Variants in DACH1 observed in about 807,000 individuals in gnomAD.
The protein encoded by DACH1 is dachshund family transcription factor 1.
A neutral mutation model predicts 54.2 loss-of-function variants in DACH1; 12 were observed. The observed-to-expected ratio is 0.22, with a 90% confidence interval of 0.14 to 0.36. The LOEUF is 0.36. Among genes scored for constraint, DACH1 ranks in the 10% least tolerant of loss-of-function variants. The pLI is 1.00. For missense variants in DACH1, 805 were observed against 929.8 expected, an observed-to-expected ratio of 0.87 and a Z score of 1.75; for synonymous variants, 386 against 366.2, an observed-to-expected ratio of 1.05 and a Z score of -0.62.
chr13:71,575,687 T>C (rs570587899), intron 3 of DACH1, among the ~76,000 whole-genome samples: 9 of 152,030 alleles, frequency 5.9e-5, no homozygotes, highest in African/African-American at 1.9e-4. Context: ...TGTGCACAGG[T>C]AAATATCAAG....
chr13:71,524,854 G>A (rs1297423046), intron 6 of DACH1, among the ~76,000 whole-genome samples: 3 of 152,006 alleles, frequency 2.0e-5, no homozygotes, highest in Non-Finnish European at 4.4e-5. Context: ...TTTGGAACAG[G>A]CGCGAAGGTG....
chr13:71,438,456 C>T lies in DACH1; in HGVS notation c.*2199G>A, dbSNP rs1873705977. 6.6e-6 allele frequency: 1 copy of T among 152,396 alleles called. No homozygotes were observed. The highest frequency in any genetic ancestry group is 2.4e-5 in the African/African-American group (1 of 41,426). The allele number at this position is 152,396 out of a possible 1,614,324, so 9.4% of individuals were successfully genotyped here. A position where few individuals can be genotyped will look rare whatever the true frequency, so the allele number is the denominator to read the frequency against. Reference sequence around the variant, plus strand: ...ATTTCATGAATTGTAATATTTACAACATGTTAGTAAGAGTCTCTCTTAACA... The same window carrying T: ...ATTTCATGAATTGTAATATTTACAATATGTTAGTAAGAGTCTCTCTTAACA... On this transcript the variant is annotated 3_prime_UTR_variant, in exon 11 of 11. Coordinates refer to ENST00000613252, the MANE Select transcript of DACH1 (RefSeq NM_080759.6).
At chr13:71,504,524 G>A (rs4142218) in intron 6 of DACH1, among the ~76,000 whole-genome samples, 135,187 of 152,146 alleles carry the variant, frequency 0.89, 61,812 homozygotes, top group Non-Finnish European at 0.99. Flanking sequence ...AGGAACTGAG[G>A]AAAGGCAGCG....
At chr13:71,857,545 A>G (rs1874082593) in intron 1 of DACH1, among the ~76,000 whole-genome samples, 2 of 151,756 alleles carry the variant, frequency 1.3e-5, no homozygotes, top group South Asian at 4.1e-4. Flanking sequence ...AATTATTTAA[A>G]GCATAGAGTA....
At position 71,525,526 on chromosome 13, in the gene DACH1, G is replaced by A. The variant is rs144135935; in HGVS notation, c.1570+31498C>T. Among the ~76,000 whole-genome samples the A allele has an allele frequency of 3.3e-5, 5 of 152,148 alleles. 1 individual carries two copies. The East Asian group carries it at 9.7e-4, about 29-fold the overall frequency. ...CAAAATTAACAAATAAAGAGTATGT[G>A]TATGCCTATTTTTTCTTGGAAATAT... On this transcript the variant is annotated intron_variant, in intron 6 of 10. Transcript: ENST00000613252.
chr13:71,827,224 T>C (rs1422359153), intron 1 of DACH1, among the ~76,000 whole-genome samples: 2 of 152,010 alleles, frequency 1.3e-5, no homozygotes, highest in Non-Finnish European at 2.9e-5. Flanking sequence ...CTTACCAATA[T>C]CTAAGAAGGC....
intron 4 of DACH1, among the ~76,000 whole-genome samples, chr13:71,569,898 A>G (rs940885231): frequency 5.3e-5 from 8 of 152,138 alleles, no homozygotes; most frequent in African/African-American, 1.7e-4. Context: ...TCAATCTTCT[A>G]TGACATTTAA....
chr13:71,812,174 A>G (rs1887737138), intron 1 of DACH1, among the ~76,000 whole-genome samples: 1 of 152,172 alleles, frequency 6.6e-6, no homozygotes, highest in South Asian at 2.1e-4. Flanking sequence ...AATACAGAGC[A>G]TAAAGCTCTA....
At chr13:71,690,582 C>T (rs1419038988) in intron 1 of DACH1, among the ~76,000 whole-genome samples, 22 of 152,162 alleles carry the variant, frequency 1.4e-4, no homozygotes, top group Admixed American at 1.4e-3. Context: ...GATTCTTTCT[C>T]AAAGCTCCTG....
At chr13:71,533,404 A>G (rs979815654) in intron 6 of DACH1, among the ~76,000 whole-genome samples, 2 of 151,990 alleles carry the variant, frequency 1.3e-5, no homozygotes, top group African/African-American at 4.8e-5. Flanking sequence ...ATCTTTTAGG[A>G]CAAAACTCCA....
chr13:71,572,983 G>T lies in DACH1; in HGVS notation c.1156C>A (p.His386Asn). 2 of 1,613,938 alleles carry T rather than the reference G, an allele frequency of 1.2e-6. No homozygotes were observed. Among genetic ancestry groups the T allele is most frequent in the South Asian group, 2.2e-5 (2 of 91,066 alleles). The change falls in exon 4 of 11, where the codon CAC (histidine) becomes AAC (asparagine). Residue 386 changes from histidine (H) to asparagine (N), a missense_variant. Around this residue, in one of 3 missense-constraint regions of DACH1, gnomAD observed 472 missense variants for 545.3 expected, o/e 0.87. Transcript: ENST00000613252. ...GLELPFMMMPHPLIPVSLPPA... is the reference protein window; with the variant it reads ...GLELPFMMMPNPLIPVSLPPA... ...GGTAGGCTGACAGGAATTAGAGGGT[G>T]GGGCATCATCATAAAAGGAAGTTCC...
intron 1 of DACH1, among the ~76,000 whole-genome samples, chr13:71,834,669 G>A (rs964533408): frequency 6.6e-6 from 1 of 151,368 alleles, no homozygotes; most frequent in Non-Finnish European, 1.5e-5. Flanking sequence ...TATAAAGGGT[G>A]GACCCACCTT....
At chr13:71,578,944 T>C (rs1885701014) in intron 3 of DACH1, among the ~76,000 whole-genome samples, 1 of 152,108 alleles carries the variant, frequency 6.6e-6, no homozygotes, top group Non-Finnish European at 1.5e-5. Context: ...AGAAAAATAA[T>C]GTTGTTATAA....
At chr13:71,495,074 G>C (rs1644489274) in intron 6 of DACH1, among the ~76,000 whole-genome samples, 1 of 151,924 alleles carries the variant, frequency 6.6e-6, no homozygotes, top group Non-Finnish European at 1.5e-5. Context: ...TCAAGTTAAT[G>C]TGTGTCTGTG....
At chr13:71,539,395 T>G (rs1882999116) in intron 6 of DACH1, among the ~76,000 whole-genome samples, 1 of 152,104 alleles carries the variant, frequency 6.6e-6, no homozygotes, top group African/African-American at 2.4e-5. Context: ...ACAGAAAATC[T>G]TTCCTTCGAA....
intron 1 of DACH1, among the ~76,000 whole-genome samples, chr13:71,753,689 G>A (rs1885019170): frequency 6.6e-6 from 1 of 152,106 alleles, no homozygotes; most frequent in Non-Finnish European, 1.5e-5. Context: ...GAGCACTTTA[G>A]AACTTTCCAC....
At chr13:71,442,679 T>C (rs1874109926) in intron 10 of DACH1, among the ~76,000 whole-genome samples, 1 of 152,140 alleles carries the variant, frequency 6.6e-6, no homozygotes. Context: ...CCAAACCCTA[T>C]GTATACTATG....
intron 3 of DACH1, among the ~76,000 whole-genome samples, chr13:71,592,991 C>T (rs1276246474): frequency 1.3e-5 from 2 of 152,062 alleles, no homozygotes; most frequent in South Asian, 4.1e-4. Context: ...AATTGTTAGG[C>T]AGCTGCCTCA....
At position 71,807,419 on chromosome 13, in the gene DACH1, C is replaced by CAAAAAAAAAAAAAAAAAAAA. The variant is rs10688170; in HGVS notation, c.848+58483_848+58502dup. Among the ~76,000 whole-genome samples, 2 of 99,722 alleles carry CAAAAAAAAAAAAAAAAAAAA rather than the reference C, an allele frequency of 2.0e-5. 1 individual carries two copies. The highest frequency in any genetic ancestry group is 3.8e-5 in the Non-Finnish European group (2 of 52,204). The allele number at this position is 99,722 out of a possible 152,430, so 65.4% of individuals were successfully genotyped here. Reference sequence around the variant, plus strand: ...TTCTGTCAGTATTTATCACAGATTGCAAAAAAAAAAAAAAAAAAAAATCCT... The same window carrying CAAAAAAAAAAAAAAAAAAAA: ...TTCTGTCAGTATTTATCACAGATTGCAAAAAAAAAAAAAAAAAAAAAAAAAAAAAAAAAAAAAAAAATCCT... On this transcript the variant is annotated intron_variant, in intron 1 of 10. Coordinates refer to ENST00000613252, the MANE Select transcript of DACH1 (RefSeq NM_080759.6).
Sources: gnomAD v4.1 joint callset for allele counts (sites outside exome capture counted in the v4.1 genomes callset) on GRCh38, gnomAD v4.1.1 for gene constraint, gnomAD v4.1.1 regional missense constraint, MANE v1.5 for transcripts, NCBI Gene and HGNC (gene_info 2026-07-23, HGNC 2026-07-21) for gene names.